Variants in CAMK2D observed in about 807,000 individuals in gnomAD.
The protein encoded by CAMK2D is calcium/calmodulin dependent protein kinase II delta, also known as calcium/calmodulin-dependent protein kinase type II subunit delta.
Under a neutral mutation model 84.0 loss-of-function variants are expected in CAMK2D, and 37 were observed. The ratio of observed to expected loss-of-function variants is 0.44; its 90% confidence interval spans 0.34 to 0.58. The LOEUF (loss-of-function observed/expected upper bound fraction) is 0.58, where lower values mean the gene tolerates loss of function less well. Ranked by LOEUF, CAMK2D falls within the 20% of genes least tolerant of loss-of-function variation. CAMK2D has a pLI of 0.02. For synonymous variants in CAMK2D, 202 were observed against 212.5 expected, an observed-to-expected ratio of 0.95 and a Z score of 0.43; for missense variants, 448 against 652.5, an observed-to-expected ratio of 0.69 and a Z score of 3.41.
intron 12 of CAMK2D, among the ~76,000 whole-genome samples, chr4:113,509,894 T>C (rs560442334): frequency 1.9e-4 from 29 of 152,166 alleles, no homozygotes; most frequent in Non-Finnish European, 3.8e-4. Flanking sequence ...AACTAAAGAG[T>C]AGTTCGTTGC....
chr4:113,527,102 A>G (rs572971937), intron 8 of CAMK2D, among the ~76,000 whole-genome samples: 1 of 152,032 alleles, frequency 6.6e-6, no homozygotes, highest in Non-Finnish European at 1.5e-5. Flanking sequence ...GGCAAACTTC[A>G]TTGTTGTCTT....
intron 12 of CAMK2D, among the ~76,000 whole-genome samples, chr4:113,510,513 T>C (rs17046122): frequency 0.051 from 7,784 of 152,224 alleles, 641 homozygotes; most frequent in African/African-American, 0.18. Flanking sequence ...CTTGAGTATA[T>C]GAAAAGGTGA....
intron 4 of CAMK2D, among the ~76,000 whole-genome samples, chr4:113,568,160 C>A (rs2098734665): frequency 6.6e-6 from 1 of 152,092 alleles, no homozygotes; most frequent in Non-Finnish European, 1.5e-5. Context: ...TGGCATTAAC[C>A]ATAATGTTGT....
chr4:113,571,178 T>C (rs1486409096), intron 4 of CAMK2D, among the ~76,000 whole-genome samples: 1 of 152,230 alleles, frequency 6.6e-6, no homozygotes, highest in Non-Finnish European at 1.5e-5. Context: ...GGAACCCTGG[T>C]ACACTACTGG....
At chr4:113,595,108 G>A (rs1248436613) in intron 4 of CAMK2D, among the ~76,000 whole-genome samples, 1 of 152,030 alleles carries the variant, frequency 6.6e-6, no homozygotes, top group East Asian at 1.9e-4. Flanking sequence ...AAGAAGAAGA[G>A]TGTGGAATGA....
At chr4:113,732,793 T>C (rs1049648293) in intron 2 of CAMK2D, among the ~76,000 whole-genome samples, 1 of 152,150 alleles carries the variant, frequency 6.6e-6, no homozygotes, top group African/African-American at 2.4e-5. Flanking sequence ...GAAAAGTTCA[T>C]GCCTATTCAT....
At chr4:113,629,626 A>G (rs2099081512) in intron 3 of CAMK2D, among the ~76,000 whole-genome samples, 1 of 152,036 alleles carries the variant, frequency 6.6e-6, no homozygotes, top group Non-Finnish European at 1.5e-5. Flanking sequence ...CACAGTTTGA[A>G]AACATCTAGA....
chr4:113,696,614 C>T (rs1471834420), intron 2 of CAMK2D, among the ~76,000 whole-genome samples: 1 of 152,074 alleles, frequency 6.6e-6, no homozygotes, highest in East Asian at 1.9e-4. Flanking sequence ...GCAGCCCTTG[C>T]CTTCTCATCT....
intron 2 of CAMK2D, among the ~76,000 whole-genome samples, chr4:113,728,555 G>C (rs979634102): frequency 6.6e-6 from 1 of 152,160 alleles, no homozygotes; most frequent in African/African-American, 2.4e-5. Flanking sequence ...ATATGTGTAT[G>C]CAACTGTGAA....
chr4:113,570,916 G>A (rs1049814932), intron 4 of CAMK2D, among the ~76,000 whole-genome samples: 5 of 151,988 alleles, frequency 3.3e-5, no homozygotes, highest in Admixed American at 6.6e-5. Flanking sequence ...AGGTTAATAC[G>A]CAAAATATAT....
At chr4:113,709,746 G>GATATATACATACATATATAT (rs1298341709) in intron 2 of CAMK2D, among the ~76,000 whole-genome samples, 1 of 49,824 alleles carries the variant, frequency 2.0e-5, no homozygotes, top group African/African-American at 1.1e-4. Context: ...AGCCGTGAAC[G>GATATATACATACATATATAT]ATATATATAT....
intron 2 of CAMK2D, among the ~76,000 whole-genome samples, chr4:113,663,757 TAAAG>T (rs2099246385): frequency 6.6e-6 from 1 of 151,438 alleles, no homozygotes; most frequent in Non-Finnish European, 1.5e-5. Context: ...TACATTAAAA[TAAAG>T]AATAAAAAGG....
intron 7 of CAMK2D, among the ~76,000 whole-genome samples, chr4:113,532,204 A>C (rs1284938825): frequency 6.6e-6 from 1 of 152,224 alleles, no homozygotes; most frequent in African/African-American, 2.4e-5. Flanking sequence ...AGAGGTATTA[A>C]AAGACAATAT....
chr4:113,690,693 T>A, intron 2 of CAMK2D, among the ~76,000 whole-genome samples: 1 of 152,212 alleles, frequency 6.6e-6, no homozygotes, highest in East Asian at 1.9e-4. Flanking sequence ...CATGCTTTCT[T>A]ACTAATGTTG....
At chr4:113,687,325 G>GT (rs1561837062) in intron 2 of CAMK2D, among the ~76,000 whole-genome samples, 1 of 152,164 alleles carries the variant, frequency 6.6e-6, no homozygotes, top group East Asian at 1.9e-4. Flanking sequence ...GTGATGGGAT[G>GT]TTTTTTAACT....
At chr4:113,752,451 C>T (rs993403590) in intron 2 of CAMK2D, among the ~76,000 whole-genome samples, 3 of 152,004 alleles carry the variant, frequency 2.0e-5, no homozygotes, top group African/African-American at 7.2e-5. Flanking sequence ...TAAATTGCCA[C>T]ATTTTTGTAA....
intron 3 of CAMK2D, among the ~76,000 whole-genome samples, chr4:113,624,395 A>C (rs563950974): frequency 2.3e-4 from 35 of 152,184 alleles, no homozygotes; most frequent in Non-Finnish European, 4.6e-4. Context: ...GCTAATTGGC[A>C]AAAAAATAGA....
chr4:113,511,325 T>A (rs2098211556), intron 12 of CAMK2D, among the ~76,000 whole-genome samples: 1 of 152,128 alleles, frequency 6.6e-6, no homozygotes, highest in Non-Finnish European at 1.5e-5. Flanking sequence ...TGCTTTTTCA[T>A]GCTAAGACAA....
intron 16 of CAMK2D, among the ~76,000 whole-genome samples, chr4:113,487,838 T>C (rs1323950444): frequency 3.3e-5 from 5 of 152,008 alleles, no homozygotes; most frequent in Admixed American, 2.6e-4. Context: ...TATAATAATA[T>C]GTATTAGAAT....
Sources: allele counts gnomAD v4.1 joint callset (sites outside exome capture counted in the v4.1 genomes callset), GRCh38; gene constraint gnomAD v4.1.1; transcripts MANE v1.5; gene names NCBI Gene and HGNC (gene_info 2026-07-23, HGNC 2026-07-21).